The following CCDC85C variants were observed in gnomAD, a reference collection of about 807,000 sequenced individuals.
CCDC85C encodes coiled-coil domain containing 85C.
Under a neutral mutation model 38.3 loss-of-function variants are expected in CCDC85C, and 18 were observed. The ratio of observed to expected loss-of-function variants is 0.47; its 90% CI spans 0.33 to 0.70. CCDC85C has a LOEUF of 0.70. Among genes scored for constraint, CCDC85C ranks in the 30% least tolerant of loss-of-function variants. The pLI is 0.03. For synonymous variants in CCDC85C, 264 were observed against 293.8 expected (o/e 0.90, Z 1.04); for missense variants, 566 against 621.2 (o/e 0.91, Z 0.94).
At chr14:99,525,683 T>C (rs1320572691) in intron 2 of CCDC85C, among the ~76,000 whole-genome samples, 1 of 152,016 alleles carries the variant, frequency 6.6e-6, no homozygotes, top group Non-Finnish European at 1.5e-5. Flanking sequence ...GGGGTGCGGG[T>C]GGAGGCAGGC....
chr14:99,604,086 C>CCAGGCGG lies in CCDC85C; in HGVS notation c.-128_-127insCCGCCTG. On this transcript the variant is annotated 5_prime_UTR_variant, in exon 1 of 6. Coordinates refer to ENST00000380243, the MANE Select transcript of CCDC85C (RefSeq NM_001144995.2). Reference sequence around the variant, plus strand: ...GGGGGCGCGTGCGGCCCGCCCCGCGCCGCCTGGCGCGTCCTCTCGCCGCGC... The same window carrying CCAGGCGG: ...GGGGGCGCGTGCGGCCCGCCCCGCGCCAGGCGGCGCCTGGCGCGTCCTCTCGCCGCGC... 2 of 941,104 alleles carry CCAGGCGG rather than the reference C, an allele frequency of 2.1e-6. No homozygotes were observed. The highest frequency in any genetic ancestry group is 2.5e-6 in the Non-Finnish European group (2 of 793,384). 58.3% of individuals were successfully genotyped at this position (941,104 alleles called of 1,614,324 possible).
Position 99,550,836 on chromosome 14 carries a change from T to C in CCDC85C, c.794-14748A>G, listed in dbSNP as rs1228773567. ...CCGAGATACCAGCACCAGCTGACCA[T>C]GGGGACAGCGGTACCATAACAGGCC... On this transcript the variant is annotated intron_variant, in intron 1 of 5. Transcript: ENST00000380243. 4.6e-5 allele frequency among the ~76,000 whole-genome samples: 7 copies of C among 152,100 alleles called. No individual in the cohort carries two copies. In the East Asian group the frequency reaches 7.7e-4, roughly 17 times the overall value.
intron 1 of CCDC85C, among the ~76,000 whole-genome samples, chr14:99,550,734 C>T (rs997626655): frequency 4.1e-4 from 62 of 152,332 alleles, no homozygotes; most frequent in Non-Finnish European, 7.9e-4. Flanking sequence ...TGCCCTGTTC[C>T]CCGACTGCTC....
At position 99,501,287 on chromosome 14, in the gene CCDC85C, A is replaced by T. The variant is rs1896819228; in HGVS notation, c.*13959T>A. 9.7e-6 allele frequency: 10 copies of T among 1,028,352 alleles called. No individual in the cohort carries two copies. Among genetic ancestry groups the T allele is most frequent in the Non-Finnish European group, 1.4e-5 (9 of 650,576 alleles). 63.7% of individuals were successfully genotyped at this position (1,028,352 alleles called of 1,614,324 possible). ...GGTGCTGAACACGTGGTAGGTTTTT[A>T]ATAAATACTTGATGCTGCCTGTGAA... On this transcript the variant is annotated 3_prime_UTR_variant, in exon 6 of 6. Transcript: ENST00000380243.
At chr14:99,561,162 C>T (rs1227335924) in intron 1 of CCDC85C, among the ~76,000 whole-genome samples, 1 of 152,232 alleles carries the variant, frequency 6.6e-6, no homozygotes. Context: ...GGGCTCCCGA[C>T]AAGCCACATG....
At chr14:99,568,349 C>G (rs2021923) in intron 1 of CCDC85C, among the ~76,000 whole-genome samples, 86,064 of 149,464 alleles carry the variant, frequency 0.58, 25,424 homozygotes, top group African/African-American at 0.71. Flanking sequence ...TGGGTTCATG[C>G]GCATTTCTAA....
In CCDC85C at chr14:99,544,451, A is replaced by G. The variant is rs972810208; in HGVS notation, c.794-8363T>C. On this transcript the variant is annotated intron_variant, in intron 1 of 5. Transcript: ENST00000380243. The surrounding 1 kb of genome is among the most constrained non-coding windows in gnomAD (Gnocchi z 5.3). The stretch of plus-strand genomic sequence containing the variant: ...GTTCCGAGGGGCTCCATAACCACCC[A>G]GTCACAGAACTCATAAAAACAGGGC... Among the ~76,000 whole-genome samples, 2 of 152,034 alleles carry G rather than the reference A, an allele frequency of 1.3e-5. No homozygotes were observed. Among genetic ancestry groups the G allele is most frequent in the Admixed American group, 1.3e-4 (2 of 15,278 alleles).
In CCDC85C at chr14:99,522,233, C is replaced by A. The variant is rs75827961; in HGVS notation, c.875G>T (p.Gly292Val). ...CCGCAGCGTGCGGAACTCTCCGGAG[C>A]CTGCCTGCTGCAGGGGAGAGAAGGA... ...EGDKLLAQQA[G>V]SGEFRTLRKG... is the part of the protein sequence containing the mutation. Residue 292 changes from glycine (G) to valine (V), a missense_variant, in exon 3 of 6, where the codon GGC becomes GTC. Coordinates refer to ENST00000380243, the MANE Select transcript of CCDC85C (RefSeq NM_001144995.2). The A allele has an allele frequency of 4.5e-5, 69 of 1,548,018 alleles. No homozygotes were observed. The South Asian group carries it at 8.0e-4, about 18-fold the overall frequency.
chr14:99,525,290 G>A (rs1373344816), intron 2 of CCDC85C, among the ~76,000 whole-genome samples: 4 of 152,178 alleles, frequency 2.6e-5, no homozygotes, highest in South Asian at 2.1e-4. Context: ...GGGGAACCCC[G>A]TCCTGCAGCG....
chr14:99,519,610 G>A (rs1206738226), intron 3 of CCDC85C, among the ~76,000 whole-genome samples: 2 of 152,134 alleles, frequency 1.3e-5, no homozygotes, highest in South Asian at 4.1e-4. Context: ...GTCGCCAAAC[G>A]CTCAGAGCAA....
At chr14:99,574,769 C>G (rs1312461700) in intron 1 of CCDC85C, among the ~76,000 whole-genome samples, 1 of 152,216 alleles carries the variant, frequency 6.6e-6, no homozygotes, top group Non-Finnish European at 1.5e-5. Flanking sequence ...CCACTCACAG[C>G]TATGACCCAG....
At position 99,507,151 on chromosome 14, in the gene CCDC85C, A is replaced by G. The variant is rs763747527; in HGVS notation, c.*8095T>C. On this transcript the variant is annotated 3_prime_UTR_variant, in exon 6 of 6. Coordinates refer to ENST00000380243, the MANE Select transcript of CCDC85C (RefSeq NM_001144995.2). ...CCTCCAGCCCACCCACCTCCAGGTAAGCATCTGCTGAAGCAGCTTGGCCAG... is the reference window on the plus strand; with the variant it reads ...CCTCCAGCCCACCCACCTCCAGGTAGGCATCTGCTGAAGCAGCTTGGCCAG... 11 of 1,587,576 alleles carry G rather than the reference A, an allele frequency of 6.9e-6. No individual in the cohort carries two copies. The Middle Eastern group carries it at 6.6e-4, about 96-fold the overall frequency.
Position 99,503,694 on chromosome 14 carries a change from A to C in CCDC85C, c.*11552T>G, listed in dbSNP as rs1896900264. 6.9e-7 allele frequency: 1 copy of C among 1,446,664 alleles called. No homozygotes were observed. The highest frequency in any genetic ancestry group is 2.5e-5 in the East Asian group (1 of 40,386). 89.6% of individuals were successfully genotyped at this position (1,446,664 alleles called of 1,614,324 possible). A position where few individuals can be genotyped will look rare whatever the true frequency, so the allele number is the denominator to read the frequency against. On this transcript the variant is annotated 3_prime_UTR_variant, in exon 6 of 6. Transcript: ENST00000380243. Reference sequence around the variant, plus strand: ...TTAGTTTTATGTGTTTATATGCAAAACTTTAAATTCTTAGCCAACATTGTT... The same window carrying C: ...TTAGTTTTATGTGTTTATATGCAAACCTTTAAATTCTTAGCCAACATTGTT...
At chr14:99,583,842 C>T (rs78696078) in intron 1 of CCDC85C, among the ~76,000 whole-genome samples, 10,224 of 146,084 alleles carry the variant, frequency 0.07, 557 homozygotes, top group South Asian at 0.15. Context: ...ATATAACTAA[C>T]ATACACATGT....
Position 99,510,264 on chromosome 14 carries a change from C to T in CCDC85C, c.*4982G>A. 2 of 1,561,918 alleles carry T rather than the reference C, an allele frequency of 1.3e-6. No homozygotes were observed. Among genetic ancestry groups the T allele is most frequent in the Non-Finnish European group, 1.7e-6 (2 of 1,157,950 alleles). On this transcript the variant is annotated 3_prime_UTR_variant, in exon 6 of 6. Coordinates refer to ENST00000380243, the MANE Select transcript of CCDC85C (RefSeq NM_001144995.2). The stretch of plus-strand genomic sequence containing the variant: ...GATTCCCCCTCCGGCCCACCCGGCC[C>T]CTGTGCACCAGCCACCGCCGCTGCC...
At chr14:99,570,306 C>G (rs1898310469) in intron 1 of CCDC85C, among the ~76,000 whole-genome samples, 1 of 152,252 alleles carries the variant, frequency 6.6e-6, no homozygotes, top group Non-Finnish European at 1.5e-5. Flanking sequence ...GTGAGCCAGG[C>G]CCTGGGGCCC....
rs975289398 is a variant in CCDC85C, at chr14:99,506,648, A to T, written c.*8598T>A. The T allele has an allele frequency of 2.5e-5, 4 of 162,144 alleles. No individual in the cohort carries two copies. The highest frequency in any genetic ancestry group is 9.7e-5 in the African/African-American group (4 of 41,438). 10.0% of individuals were successfully genotyped at this position (162,144 alleles called of 1,614,324 possible). A position where few individuals can be genotyped will look rare whatever the true frequency, so the allele number is the denominator to read the frequency against. On this transcript the variant is annotated 3_prime_UTR_variant, in exon 6 of 6. Coordinates refer to ENST00000380243, the MANE Select transcript of CCDC85C (RefSeq NM_001144995.2). ...ATAAACTATGTCTAAGAATGAAAAG[A>T]TAGAGATTCTCTTGTGGAACCCTCA...
Position 99,576,192 on chromosome 14 carries a change from G to C in CCDC85C, c.793+26975C>G, listed in dbSNP as rs1344284492. 6.6e-6 allele frequency among the ~76,000 whole-genome samples: 1 copy of C among 152,208 alleles called. No individual in the cohort carries two copies. The highest frequency in any genetic ancestry group is 1.5e-5 in the Non-Finnish European group (1 of 68,040). On this transcript the variant is annotated intron_variant, in intron 1 of 5. Coordinates refer to ENST00000380243, the MANE Select transcript of CCDC85C (RefSeq NM_001144995.2). The surrounding 1 kb of genome is among the most constrained non-coding windows in gnomAD (Gnocchi z 4.8). ...ATAAACAGACCACAAGTCAAACTGT[G>C]ACCTTGGGTGAGGATTTCAAGAGCC...
rs1488524955 is a variant in CCDC85C at position 99,533,451 on chromosome 14, T to C, written c.867+2564A>G. Among the ~76,000 whole-genome samples, 1 of 152,228 alleles carries C rather than the reference T, an allele frequency of 6.6e-6. No homozygotes were observed. The highest frequency in any genetic ancestry group is 1.5e-5 in the Non-Finnish European group (1 of 68,036). On this transcript the variant is annotated intron_variant, in intron 2 of 5. Coordinates refer to ENST00000380243, the MANE Select transcript of CCDC85C (RefSeq NM_001144995.2). The surrounding 1 kb of genome is among the most constrained non-coding windows in gnomAD (Gnocchi z 4.2). ...ATTTCTGCTAAAGAAACAAAATACT[T>C]TGAACCCTTTCTGCACTGGATGATC...
Sources: gnomAD v4.1 joint callset for allele counts (sites outside exome capture counted in the v4.1 genomes callset) on GRCh38, gnomAD v4.1.1 for gene constraint, Gnocchi (gnomAD v3.1) non-coding constraint, MANE v1.5 for transcripts, NCBI Gene and HGNC (gene_info 2026-07-23, HGNC 2026-07-21) for gene names.